The following CCDC57 variants were observed in gnomAD, a reference collection of about 807,000 sequenced individuals.
CCDC57 encodes the protein coiled-coil domain containing 57.
Under a neutral mutation model 118.9 loss-of-function variants are expected in CCDC57, and 118 were observed. The ratio of observed to expected loss-of-function variants is 0.99; its 90% CI spans 0.86 to 1.16. The LOEUF (loss-of-function observed/expected upper bound fraction) is 1.16, where lower values mean the gene tolerates loss of function less well. Ranked by LOEUF, CCDC57 falls within the 50% of genes most tolerant of loss-of-function variation. CCDC57 has a pLI of 0.00. For synonymous variants in CCDC57, 527 were observed against 532.9 expected, an observed-to-expected ratio of 0.99 and a Z score of 0.15; for missense variants, 1,300 against 1,320.7, an observed-to-expected ratio of 0.98 and a Z score of 0.24.
chr17:82,103,262 C>T (rs1438010971), intron 19 of CCDC57, among the ~76,000 whole-genome samples: 13 of 152,126 alleles, frequency 8.5e-5, no homozygotes, highest in Non-Finnish European at 1.5e-4. Context: ...TCAAGACACC[C>T]GGAACCAGTC....
chr17:82,103,249 G>C (rs907110635), intron 19 of CCDC57, among the ~76,000 whole-genome samples: 1 of 152,198 alleles, frequency 6.6e-6, no homozygotes, highest in Admixed American at 6.5e-5. Flanking sequence ...CACTCTTGGG[G>C]TCTCAAGACA....
At chr17:82,141,177 ATTTT>A (rs56298520) in intron 16 of CCDC57, among the ~76,000 whole-genome samples, 2 of 121,532 alleles carry the variant, frequency 1.6e-5, no homozygotes, top group African/African-American at 6.4e-5. Flanking sequence ...CGCCCGGCTA[ATTTT>A]TTTTTTTTTT....
chr17:82,165,202 C>T (rs4789676), intron 13 of CCDC57, among the ~76,000 whole-genome samples: 71,072 of 152,020 alleles, frequency 0.47, 17,418 homozygotes, highest in East Asian at 0.88. Context: ...ATCTGTCAAA[C>T]TATAAAAAGA....
At chr17:82,158,746 C>T (rs1253026827) in intron 14 of CCDC57, among the ~76,000 whole-genome samples, 6 of 151,608 alleles carry the variant, frequency 4.0e-5, no homozygotes, top group East Asian at 1.9e-4. Flanking sequence ...TTTATTCAGA[C>T]GGCATCTTAG....
chr17:82,144,721 ATAAAT>A (rs1166738682), intron 16 of CCDC57, among the ~76,000 whole-genome samples: 1 of 152,258 alleles, frequency 6.6e-6, no homozygotes. Context: ...CATTTAACTA[ATAAAT>A]TAAATGTAAA....
chr17:82,178,940 C>T (rs930903503), intron 10 of CCDC57, 87 bp downstream of exon 9: 16 of 1,416,404 alleles, frequency 1.1e-5, no homozygotes, highest in Non-Finnish European at 1.5e-5. Context: ...ATTTAAAGAA[C>T]CATTTGGTAA....
rs919498576 is a variant in CCDC57 at position 82,192,048 on chromosome 17, C to T, written c.851+1708G>A. The stretch of plus-strand genomic sequence containing the variant: ...TCACCCAGGCTGGAGTGCAGTGGCG[C>T]GGTCTCGGCTCAGTGAAACCTCCAC... On this transcript the variant is annotated intron_variant, in intron 7 of 19. Transcript: ENST00000665763. This position sits in a 1 kb window ranked among gnomAD's most constrained non-coding sequence, Gnocchi z 4.0. Among the ~76,000 whole-genome samples the T allele has an allele frequency of 4.6e-5, 7 of 150,782 alleles. No homozygotes were observed. Among genetic ancestry groups the T allele is most frequent in the East Asian group, 1.9e-4 (1 of 5,140 alleles).
In CCDC57 at chr17:82,130,712, A is replaced by G. The variant is rs377218480; in HGVS notation, c.2578-2115T>C. ...GAGATGGGGTTTCATCATGTTGGCC[A>G]GGCTGGTCTCGAACTCCTGACCTCA... On this transcript the variant is annotated intron_variant, in intron 17 of 19. Coordinates refer to ENST00000665763, the Ensembl canonical transcript of CCDC57. Among the ~76,000 whole-genome samples the G allele has an allele frequency of 1.2e-3, 182 of 149,118 alleles. 2 individuals carry two copies. The highest frequency in any genetic ancestry group is 4.1e-3 in the African/African-American group (167 of 40,466).
chr17:82,140,516 C>T (rs577700969), intron 16 of CCDC57, among the ~76,000 whole-genome samples: 5 of 152,300 alleles, frequency 3.3e-5, no homozygotes, highest in African/African-American at 7.2e-5. Flanking sequence ...CCACCGTGCC[C>T]GGCCAGGGAT....
chr17:82,113,929 G>A (rs553946391), intron 19 of CCDC57, among the ~76,000 whole-genome samples: 15 of 152,316 alleles, frequency 9.8e-5, no homozygotes, highest in Admixed American at 9.1e-4. Flanking sequence ...CTGGGCAACA[G>A]AGCGAGAATA....
intron 19 of CCDC57, chr17:82,126,490 T>C: frequency 5.1e-6 from 5 of 975,210 alleles, no homozygotes; most frequent in South Asian, 4.7e-5. Context: ...CACAATCTAA[T>C]ACACAAATGG....
chr17:82,135,533 C>T (rs2039029225), intron 16 of CCDC57: 2 of 152,140 alleles, frequency 1.3e-5, no homozygotes, highest in African/African-American at 4.8e-5. Flanking sequence ...GATGGGCCCT[C>T]AAGTAAAGCA....
intron 7 of CCDC57, among the ~76,000 whole-genome samples, chr17:82,191,170 T>C (rs1297336202): frequency 6.6e-6 from 1 of 151,926 alleles, no homozygotes; most frequent in East Asian, 1.9e-4. Flanking sequence ...TTTCACAGCA[T>C]GGATCTTGGA....
At chr17:82,109,502 A>G (rs1401070897) in intron 19 of CCDC57, among the ~76,000 whole-genome samples, 1 of 152,258 alleles carries the variant, frequency 6.6e-6, no homozygotes, top group Admixed American at 6.5e-5. Context: ...CAATAGTTCA[A>G]TGGATATTTA....
At chr17:82,177,535 G>A (rs1315789097) in intron 11 of CCDC57, among the ~76,000 whole-genome samples, 2 of 152,146 alleles carry the variant, frequency 1.3e-5, no homozygotes, top group African/African-American at 2.4e-5. Context: ...GCAACAAAGC[G>A]AGACCGAGAC....
At chr17:82,131,714 T>G (rs1258123944) in intron 17 of CCDC57, among the ~76,000 whole-genome samples, 12 of 152,144 alleles carry the variant, frequency 7.9e-5, no homozygotes, top group Non-Finnish European at 1.8e-4. Context: ...ACTGTGCCAC[T>G]GCACTCCAGC....
rs562025364 is a variant in CCDC57, at chr17:82,212,298, G to A, written c.-211+487C>T. Reference sequence around the variant, plus strand: ...GGGGTTTCACCATGTTGGCCAGGCTGGTCTCGAACTCCGGGCCTCAAGCAA... The same window carrying A: ...GGGGTTTCACCATGTTGGCCAGGCTAGTCTCGAACTCCGGGCCTCAAGCAA... On this transcript the variant is annotated intron_variant, in intron 1 of 19. Coordinates refer to ENST00000665763, the Ensembl canonical transcript of CCDC57. The surrounding 1 kb of genome is among the most constrained non-coding windows in gnomAD (Gnocchi z 4.1). 3.0e-4 allele frequency among the ~76,000 whole-genome samples: 46 copies of A among 152,158 alleles called. No individual in the cohort carries two copies. The highest frequency in any genetic ancestry group is 1.1e-3 in the African/African-American group (44 of 41,500).
chr17:82,186,549 C>T (rs967213591), intron 8 of CCDC57, among the ~76,000 whole-genome samples: 1 of 152,234 alleles, frequency 6.6e-6, no homozygotes, highest in Admixed American at 6.5e-5. Context: ...AACAACAACA[C>T]AGCATGCTGA....
rs184198378 is a variant in CCDC57, at chr17:82,165,593, C to T, written c.1883-2236G>A. Among the ~76,000 whole-genome samples, 1,367 of 152,254 alleles carry T rather than the reference C, an allele frequency of 9.0e-3. 18 individuals carry two copies. Among genetic ancestry groups the T allele is most frequent in the African/African-American group, 0.032 (1,314 of 41,532 alleles). On this transcript the variant is annotated intron_variant, in intron 13 of 19. Coordinates refer to ENST00000665763, the Ensembl canonical transcript of CCDC57. Reference sequence around the variant, plus strand: ...GACCACACCTGCCCTCCTGCCAGCCCATGGTCCTGCAGCCTGCTGTGGACA... The same window carrying T: ...GACCACACCTGCCCTCCTGCCAGCCTATGGTCCTGCAGCCTGCTGTGGACA...
Sources: gnomAD v4.1 joint callset for allele counts (sites outside exome capture counted in the v4.1 genomes callset) on GRCh38, gnomAD v4.1.1 for gene constraint, Gnocchi (gnomAD v3.1) non-coding constraint, MANE v1.5 for transcripts, NCBI Gene and HGNC (gene_info 2026-07-23, HGNC 2026-07-21) for gene names.